MED6: variants seen among roughly 807,000 people sequenced by gnomAD.
MED6 encodes the protein mediator complex subunit 6, also known as mediator of RNA polymerase II transcription subunit 6.
A neutral mutation model predicts 37.5 loss-of-function variants in MED6; 33 were observed. The observed-to-expected ratio is 0.88, with a 90% confidence interval of 0.67 to 1.18. MED6 has a LOEUF of 1.18. MED6 is among the 50% of genes most tolerant of loss of function. The probability of loss-of-function intolerance (pLI) is 0.00; values close to 1 mark genes in which losing one functional copy is unlikely to be tolerated. For synonymous variants in MED6, 94 were observed against 93.6 expected (o/e 1.00, Z -0.02); for missense variants, 235 against 290.6 (o/e 0.81, Z 1.39).
At chr14:70,590,388 C>G (rs1229014198) in intron 6 of MED6, among the ~76,000 whole-genome samples, 1 of 152,146 alleles carries the variant, frequency 6.6e-6, no homozygotes, top group Non-Finnish European at 1.5e-5. Context: ...ACTGGCTTTC[C>G]TGTCCTGAGT....
At chr14:70,591,202 A>C in intron 6 of MED6, 64 bp downstream of exon 6, 3 of 1,242,060 alleles carry the variant, frequency 2.4e-6, no homozygotes, top group South Asian at 1.3e-5. Context: ...GTTCTCAATT[A>C]AAAATTAATA....
chr14:70,593,932 T>A (rs956900053), intron 3 of MED6, among the ~76,000 whole-genome samples: 1 of 152,224 alleles, frequency 6.6e-6, no homozygotes, highest in African/African-American at 2.4e-5. Context: ...TACTGCCGTC[T>A]TGTGTAATTT....
At chr14:70,591,065 C>A (rs115145347) in intron 6 of MED6, among the ~76,000 whole-genome samples, 2,932 of 152,256 alleles carry the variant, frequency 0.019, 46 homozygotes, top group African/African-American at 0.05. Context: ...GTAAGAAACA[C>A]AAAACAGTGT....
chr14:70,593,817 G>C (rs1182899212), intron 3 of MED6, among the ~76,000 whole-genome samples: 1 of 152,182 alleles, frequency 6.6e-6, no homozygotes, highest in Non-Finnish European at 1.5e-5. Flanking sequence ...TAAGACCTTG[G>C]AGCAAGACAG....
intron 3 of MED6, 139 bp downstream of exon 3, chr14:70,596,472 C>G: frequency 1.7e-6 from 1 of 598,752 alleles, no homozygotes; most frequent in Non-Finnish European, 2.9e-6. Flanking sequence ...CTGGTGAGTC[C>G]TCCAGCATAG....
intron 3 of MED6, among the ~76,000 whole-genome samples, chr14:70,593,642 G>C (rs1884951753): frequency 6.6e-6 from 1 of 152,176 alleles, no homozygotes. Flanking sequence ...TTCAGAAAAA[G>C]TATGCCCACT....
intron 3 of MED6, among the ~76,000 whole-genome samples, chr14:70,593,762 C>G (rs1204565007): frequency 1.4e-4 from 22 of 152,128 alleles, no homozygotes; most frequent in Admixed American, 6.5e-5. Context: ...TAACGAGTTC[C>G]CAAAAGATGC....
intron 3 of MED6, chr14:70,595,199 G>A (rs1885006899): frequency 1.9e-6 from 1 of 538,684 alleles, no homozygotes; most frequent in African/African-American, 1.9e-5. Context: ...ACCGTGAAGA[G>A]GAAGTAAAGG....
intron 6 of MED6, among the ~76,000 whole-genome samples, chr14:70,589,714 T>C (rs746785274): frequency 6.6e-6 from 1 of 152,170 alleles, no homozygotes; most frequent in Non-Finnish European, 1.5e-5. Context: ...AAATCCCAGC[T>C]CCTTTGCATA....
At chr14:70,594,939 C>T in intron 3 of MED6, 1 of 608,886 alleles carries the variant, frequency 1.6e-6, no homozygotes, top group South Asian at 1.4e-5. Context: ...GAGATTGGGG[C>T]CATTACTTCA....
Position 70,584,650 on chromosome 14 carries a change from A to G in MED6, c.*163T>C. ...CATGGCCTCCCAAAGTGCTGGGATT[A>G]CAGGCGTGAGCCACCACATCCGGCC... is the stretch of plus-strand genomic sequence containing the variant. On this transcript the variant is annotated 3_prime_UTR_variant, in exon 8 of 8. Coordinates refer to ENST00000256379, the MANE Select transcript of MED6 (RefSeq NM_005466.4). The G allele has an allele frequency of 1.1e-6, 1 of 872,244 alleles. No individual in the cohort carries two copies. Among genetic ancestry groups the G allele is most frequent in the Non-Finnish European group, 1.7e-6 (1 of 594,610 alleles). 54.0% of individuals were successfully genotyped at this position (872,244 alleles called of 1,614,324 possible). A position where few individuals can be genotyped will look rare whatever the true frequency, so the allele number is the denominator to read the frequency against.
intron 7 of MED6, 136 bp downstream of exon 7, chr14:70,585,617 ATTC>A (rs1308124909): frequency 1.4e-5 from 8 of 574,244 alleles, no homozygotes; most frequent in Middle Eastern, 2.8e-4. Context: ...ACCCAAGACA[ATTC>A]TTCTTCCAAT....
At chr14:70,587,577 T>C (rs911645904) in intron 6 of MED6, among the ~76,000 whole-genome samples, 2 of 152,212 alleles carry the variant, frequency 1.3e-5, no homozygotes, top group Admixed American at 6.5e-5. Flanking sequence ...ATTTAAACTA[T>C]ATTGGACACT....
rs571050854 is a variant in MED6 at position 70,596,463 on chromosome 14, T to G, written c.274+148A>C. The G allele has an allele frequency of 4.1e-5, 23 of 565,994 alleles. No individual in the cohort carries two copies. The African/African-American group carries it at 4.1e-4, about 10-fold the overall frequency. 35.1% of individuals were successfully genotyped at this position (565,994 alleles called of 1,614,324 possible). Reference sequence around the variant, plus strand: ...TGTAAGTACAACCATATGCTAAGTCTGGTGAGTCCTCCAGCATAGTACTGA... The same window carrying G: ...TGTAAGTACAACCATATGCTAAGTCGGGTGAGTCCTCCAGCATAGTACTGA... On this transcript the variant is annotated intron_variant, in intron 3 of 7. Transcript: ENST00000256379.
intron 3 of MED6, chr14:70,595,140 T>C (rs1885004301): frequency 6.6e-6 from 2 of 301,418 alleles, no homozygotes; most frequent in South Asian, 3.8e-5. Flanking sequence ...TCACTCGGCT[T>C]CAGCTACAGA....
chr14:70,593,475 A>G lies in MED6; in HGVS notation c.275-97T>C, dbSNP rs542202009. 3.1e-6 allele frequency: 3 copies of G among 969,136 alleles called. No individual in the cohort carries two copies. In the South Asian group the frequency reaches 4.7e-5, roughly 15 times the overall value. The allele number at this position is 969,136 out of a possible 1,614,324, so 60.0% of individuals were successfully genotyped here. On this transcript the variant is annotated intron_variant, in intron 3 of 7. Coordinates refer to ENST00000256379, the MANE Select transcript of MED6 (RefSeq NM_005466.4). Reference sequence around the variant, plus strand: ...GAAATAAAATCTGACATTTTCCCATAAGGCAGGGTTTAGCAATTACTGTTT... The same window carrying G: ...GAAATAAAATCTGACATTTTCCCATGAGGCAGGGTTTAGCAATTACTGTTT...
At chr14:70,597,472 T>C in intron 2 of MED6, 146 bp downstream of exon 2, 2 of 505,750 alleles carry the variant, frequency 4.0e-6, no homozygotes, top group South Asian at 5.8e-5. Context: ...ATAGTTACCC[T>C]GCATGTCAAA....
At chr14:70,585,593 T>C (rs982964541) in intron 7 of MED6, among the ~76,000 whole-genome samples, 163 bp downstream of exon 7, 1 of 152,040 alleles carries the variant, frequency 6.6e-6, no homozygotes. Flanking sequence ...ATCATTAGTG[T>C]TATTTTATGT....
chr14:70,590,199 G>C (rs1188628974), intron 6 of MED6, among the ~76,000 whole-genome samples: 1 of 152,134 alleles, frequency 6.6e-6, no homozygotes, highest in Non-Finnish European at 1.5e-5. Flanking sequence ...ACATGTCTAG[G>C]TGTCTTCCCC....
Sources: gnomAD v4.1 joint callset for allele counts (sites outside exome capture counted in the v4.1 genomes callset) on GRCh38, gnomAD v4.1.1 for gene constraint, MANE v1.5 for transcripts, NCBI Gene and HGNC (gene_info 2026-07-23, HGNC 2026-07-21) for gene names.